Variants in LARP4B observed in about 807,000 individuals in gnomAD.
LARP4B encodes the protein La ribonucleoprotein 4B.
In LARP4B, 12 loss-of-function variants were observed where a neutral mutation model predicts 89.8. The observed-to-expected ratio is 0.13, with a 90% confidence interval of 0.09 to 0.22. The LOEUF is 0.22. Among genes scored for constraint, LARP4B ranks in the 10% least tolerant of loss-of-function variants. The pLI, the probability that LARP4B is intolerant of heterozygous loss-of-function variation, is 1.00. For missense variants in LARP4B, 757 were observed against 947.7 expected, an observed-to-expected ratio of 0.80 and a Z score of 2.64; for synonymous variants, 367 against 363.3, an observed-to-expected ratio of 1.01 and a Z score of -0.12.
the LARP4B span, among the ~76,000 whole-genome samples, chr10:965,597 C>G: frequency 6.6e-6 from 1 of 151,826 alleles, no homozygotes; most frequent in African/African-American, 2.4e-5. Flanking sequence ...AGGAAACATG[C>G]CATTTACAGG....
chr10:963,515 C>T, the LARP4B span, among the ~76,000 whole-genome samples: 30 of 152,176 alleles, frequency 2.0e-4, no homozygotes, highest in African/African-American at 6.3e-4. Flanking sequence ...ATTAAAATGT[C>T]ATAATTCCTC....
At chr10:952,339 C>CAAAAAAAA in the LARP4B span, among the ~76,000 whole-genome samples, 1 of 16,952 alleles carries the variant, frequency 5.9e-5, no homozygotes, top group Non-Finnish European at 9.9e-5. Flanking sequence ...GACTCCATCT[C>CAAAAAAAA]AAAAAAAAAA....
At chr10:898,338 A>G (rs551499964) in intron 1 of LARP4B, among the ~76,000 whole-genome samples, 4 of 152,350 alleles carry the variant, frequency 2.6e-5, no homozygotes, top group South Asian at 2.1e-4. Flanking sequence ...CAGTTTCTCA[A>G]TATGTTAAAC....
chr10:890,497 GAATC>G (rs1016929271), intron 1 of LARP4B, among the ~76,000 whole-genome samples: 3 of 152,090 alleles, frequency 2.0e-5, no homozygotes, highest in African/African-American at 7.2e-5. Context: ...AGAAAAGAGT[GAATC>G]AATTTAAATA....
chr10:861,573 T>G (rs919549381), intron 5 of LARP4B, among the ~76,000 whole-genome samples: 1 of 152,224 alleles, frequency 6.6e-6, no homozygotes, highest in African/African-American at 2.4e-5. Context: ...CAGAATATAC[T>G]TTAACATGTT....
intron 1 of LARP4B, among the ~76,000 whole-genome samples, chr10:923,788 G>A (rs1837054442): frequency 6.6e-6 from 1 of 151,996 alleles, no homozygotes; most frequent in African/African-American, 2.4e-5. Context: ...TCTGTATTTT[G>A]AGCACTGACA....
At chr10:860,717 A>T (rs1258652574) in intron 5 of LARP4B, among the ~76,000 whole-genome samples, 1 of 152,218 alleles carries the variant, frequency 6.6e-6, no homozygotes, top group East Asian at 1.9e-4. Flanking sequence ...GTCAGACAAA[A>T]ACAGTACACA....
rs1175460786 is a variant in LARP4B at position 814,653 on chromosome 10, A to T, written c.1929+89T>A. 5 of 1,551,224 alleles carry T rather than the reference A, an allele frequency of 3.2e-6. No individual in the cohort carries two copies. Among genetic ancestry groups the T allele is most frequent in the Admixed American group, 2.0e-5 (1 of 50,992 alleles). On this transcript the variant is annotated intron_variant, in intron 17 of 17. Transcript: ENST00000316157. This position sits in a 1 kb window ranked among gnomAD's most constrained non-coding sequence, Gnocchi z 4.4. ...AAAACCCACCAAATTAGATGTGATT[A>T]AAAAACGAGCAGGTGCAGGAGTGCG...
chr10:918,549 G>A (rs564186759), intron 1 of LARP4B, among the ~76,000 whole-genome samples: 11 of 148,968 alleles, frequency 7.4e-5, no homozygotes, highest in East Asian at 6.0e-4. Flanking sequence ...AGGGAGGACC[G>A]CTTGAGACTG....
chr10:830,899 T>A lies in LARP4B; in HGVS notation c.829A>T (p.Ile277Phe). 1 of 1,430,638 alleles carries A rather than the reference T, an allele frequency of 7.0e-7. No individual in the cohort carries two copies. The highest frequency in any genetic ancestry group is 9.8e-7 in the Non-Finnish European group (1 of 1,017,522). 88.6% of individuals were successfully genotyped at this position (1,430,638 alleles called of 1,614,324 possible). ...CEFAYNDNWF[I>F]TFETEADAQQ... ...GCATCAGCTTCTGTTTCAAATGTAA[T>A]AAACCAATTATCATTATATGCAAAT... is the stretch of plus-strand genomic sequence containing the variant. The change falls in exon 9 of 18, where the codon ATT becomes TTT. Residue 277 changes from isoleucine (I) to phenylalanine (F), a missense_variant. This residue lies in a region of LARP4B where 137 missense variants were observed against 213.9 expected (regional missense o/e 0.64). Transcript: ENST00000316157.
At chr10:959,288 T>C in the LARP4B span, among the ~76,000 whole-genome samples, 4 of 152,148 alleles carry the variant, frequency 2.6e-5, no homozygotes, top group African/African-American at 9.6e-5. Flanking sequence ...GCAGCATTTG[T>C]TGGTGAAAGG....
the LARP4B span, among the ~76,000 whole-genome samples, chr10:981,219 A>G: frequency 3.3e-5 from 5 of 152,248 alleles, no homozygotes; most frequent in Non-Finnish European, 7.3e-5. Flanking sequence ...TTCACTGTCC[A>G]TATCACTATC....
Position 820,709 on chromosome 10 carries a change from G to A in LARP4B, c.1530+91C>T, listed in dbSNP as rs1466884597. ...AGTCTTTTGAAATGCTCATTCTTGT[G>A]CCTTAACCTTAATCCATTTAATTAA... On this transcript the variant is annotated intron_variant, in intron 14 of 17. Transcript: ENST00000316157. 1.6e-5 allele frequency: 18 copies of A among 1,146,800 alleles called. No individual in the cohort carries two copies. The Admixed American group carries it at 2.7e-4, about 17-fold the overall frequency. The allele number at this position is 1,146,800 out of a possible 1,614,324, so 71.0% of individuals were successfully genotyped here. A position where few individuals can be genotyped will look rare whatever the true frequency, so the allele number is the denominator to read the frequency against.
chr10:954,000 C>A, the LARP4B span, among the ~76,000 whole-genome samples: 2 of 152,252 alleles, frequency 1.3e-5, no homozygotes, highest in Admixed American at 6.5e-5. Flanking sequence ...GGAGGCCAGG[C>A]CTGCCAGGCA....
chr10:913,055 T>C (rs926677620), intron 1 of LARP4B, among the ~76,000 whole-genome samples: 4 of 147,670 alleles, frequency 2.7e-5, no homozygotes, highest in Non-Finnish European at 4.6e-5. Flanking sequence ...TCCTGGCAAT[T>C]CCTGACTATC....
chr10:937,192 G>A, the LARP4B span, among the ~76,000 whole-genome samples: 13 of 152,208 alleles, frequency 8.5e-5, no homozygotes, highest in African/African-American at 2.4e-4. Context: ...ACAGGCATGC[G>A]CCACCATGCC....
chr10:835,383 T>C (rs1833153645), intron 8 of LARP4B, among the ~76,000 whole-genome samples: 1 of 151,978 alleles, frequency 6.6e-6, no homozygotes, highest in Admixed American at 6.6e-5. Flanking sequence ...AGAAGGTGTG[T>C]GGAAAGAGGT....
At chr10:863,690 T>A (rs201984762) in intron 5 of LARP4B, 53 bp downstream of exon 5, 1 of 1,511,434 alleles carries the variant, frequency 6.6e-7, no homozygotes, top group Non-Finnish European at 8.9e-7. Flanking sequence ...ATAAAAAAAA[T>A]AAATAAAGCA....
the LARP4B span, among the ~76,000 whole-genome samples, chr10:937,448 G>T: frequency 6.6e-6 from 1 of 152,248 alleles, no homozygotes; most frequent in South Asian, 2.1e-4. Context: ...TATAGATTAT[G>T]TACACCACCT....
Sources: gnomAD v4.1 joint callset for allele counts (sites outside exome capture counted in the v4.1 genomes callset) on GRCh38, gnomAD v4.1.1 for gene constraint, gnomAD v4.1.1 regional missense constraint, Gnocchi (gnomAD v3.1) non-coding constraint, MANE v1.5 for transcripts, NCBI Gene and HGNC (gene_info 2026-07-23, HGNC 2026-07-21) for gene names.